ABI1: variants seen among roughly 807,000 people sequenced by gnomAD.
ABI1 encodes the protein abl interactor 1.
In ABI1, 14 loss-of-function variants were observed where a neutral mutation model predicts 54.6. That is an observed-to-expected ratio of 0.26 (90% CI 0.17 to 0.40). The LOEUF is 0.40. Among genes scored for constraint, ABI1 ranks in the 10% least tolerant of loss-of-function variants. ABI1 has a pLI of 1.00. For missense variants in ABI1, 443 were observed against 598.3 expected, an observed-to-expected ratio of 0.74 and a Z score of 2.71; for synonymous variants, 194 against 209.3, an observed-to-expected ratio of 0.93 and a Z score of 0.63.
At chr10:26,772,324 C>G (rs975100129) in intron 3 of ABI1, among the ~76,000 whole-genome samples, 5 of 151,924 alleles carry the variant, frequency 3.3e-5, no homozygotes, top group Admixed American at 3.3e-4. Context: ...ATATACTATA[C>G]ATGTATAGTA....
intron 2 of ABI1, among the ~76,000 whole-genome samples, chr10:26,793,932 A>T (rs1843777698): frequency 6.6e-6 from 1 of 152,220 alleles, no homozygotes; most frequent in Non-Finnish European, 1.5e-5. Context: ...GTCTACAAAA[A>T]ATAAATTGTT....
intron 3 of ABI1, among the ~76,000 whole-genome samples, chr10:26,772,427 C>T (rs1348020348): frequency 2.0e-5 from 3 of 152,016 alleles, no homozygotes; most frequent in African/African-American, 4.8e-5. Context: ...AATATGTCCA[C>T]ATATCTTCCT....
chr10:26,852,851 G>A (rs756215523), intron 1 of ABI1, among the ~76,000 whole-genome samples: 9 of 152,206 alleles, frequency 5.9e-5, no homozygotes, highest in Non-Finnish European at 8.8e-5. Context: ...AGGATCACTT[G>A]AGTCCAGGAG....
chr10:26,845,445 C>G (rs990156655), intron 1 of ABI1, among the ~76,000 whole-genome samples: 2 of 151,916 alleles, frequency 1.3e-5, no homozygotes, highest in African/African-American at 4.8e-5. Flanking sequence ...GAGTTCGAGA[C>G]CAGCCTGACC....
Position 26,755,709 on chromosome 10 carries a change from G to C in ABI1, c.1030C>G (p.Gln344Glu). 6.2e-7 allele frequency: 1 copy of C among 1,613,600 alleles called. No individual in the cohort carries two copies. Among genetic ancestry groups the C allele is most frequent in the Non-Finnish European group, 8.5e-7 (1 of 1,179,678 alleles). ...GTGAGAGGTATCTGTGGAGTCAACT[G>C]AGGCATAGGGGGAGGGGGTGGAGCA... ...SIAPPPPPMP[Q>E]LTPQIPLTGF... The change falls in exon 9 of 11, where the codon CAG (glutamine) becomes GAG (glutamate). Residue 344 changes from glutamine (Q) to glutamate (E), a missense_variant. Physicochemically the swap from Gln to Glu is conservative, Grantham distance 29. Around this residue, in one of 2 missense-constraint regions of ABI1, gnomAD observed 394 missense variants for 484.8 expected, o/e 0.81. Transcript: ENST00000376140.
chr10:26,768,782 C>T (rs1320861432), intron 6 of ABI1, 70 bp downstream of exon 6: 1 of 1,402,728 alleles, frequency 7.1e-7, no homozygotes, highest in Admixed American at 2.1e-5. Flanking sequence ...CTCAGCACCT[C>T]CATAGGAGTT....
In ABI1 at chr10:26,811,172, A is replaced by G. The variant is rs960818886; in HGVS notation, c.285+11966T>C. 1.3e-5 allele frequency among the ~76,000 whole-genome samples: 2 copies of G among 152,180 alleles called. 1 individual carries two copies. The highest frequency in any genetic ancestry group is 4.1e-4 in the South Asian group (2 of 4,828). On this transcript the variant is annotated intron_variant, in intron 2 of 10. Transcript: ENST00000376140. ...GCTAGGTGCTATTAAGAATCCCTGTAGAATAATTTTGAAACAAATGTTTAT... is the reference window on the plus strand; with the variant it reads ...GCTAGGTGCTATTAAGAATCCCTGTGGAATAATTTTGAAACAAATGTTTAT...
intron 2 of ABI1, among the ~76,000 whole-genome samples, chr10:26,807,280 T>TC (rs113600382): frequency 2.2e-4 from 34 of 151,886 alleles, no homozygotes; most frequent in African/African-American, 8.2e-4. Context: ...TCGACACAGG[T>TC]CTGGGCAACA....
chr10:26,754,533 T>A (rs1564454219), intron 9 of ABI1, among the ~76,000 whole-genome samples: 1 of 152,178 alleles, frequency 6.6e-6, no homozygotes, highest in Non-Finnish European at 1.5e-5. Context: ...ACTGCTGGTA[T>A]TCTTCCCGGA....
intron 1 of ABI1, among the ~76,000 whole-genome samples, chr10:26,834,183 C>T (rs2048873073): frequency 6.6e-6 from 1 of 151,920 alleles, no homozygotes; most frequent in Admixed American, 6.6e-5. Flanking sequence ...TGAGCTGAGA[C>T]CACGCCACTG....
At chr10:26,816,004 T>A (rs982473773) in intron 2 of ABI1, among the ~76,000 whole-genome samples, 1 of 152,220 alleles carries the variant, frequency 6.6e-6, no homozygotes, top group African/African-American at 2.4e-5. Flanking sequence ...GAAGTCCACA[T>A]AAGTAACAGA....
intron 2 of ABI1, among the ~76,000 whole-genome samples, chr10:26,782,721 C>CA (rs60447736): frequency 1.5e-3 from 174 of 112,456 alleles, no homozygotes; most frequent in South Asian, 3.9e-3. Context: ...GACTCTGTCT[C>CA]AAAAAAAAAA....
chr10:26,761,661 T>C (rs111773505), intron 7 of ABI1, among the ~76,000 whole-genome samples: 5,192 of 77,858 alleles, frequency 0.067, 266 homozygotes, highest in East Asian at 0.13. Context: ...TATATATATA[T>C]ACACACACAC....
intron 1 of ABI1, among the ~76,000 whole-genome samples, chr10:26,857,218 G>A (rs1435306225): frequency 6.7e-6 from 1 of 149,842 alleles, no homozygotes. Context: ...CTACTTGAGA[G>A]GCTGAGGCAG....
At chr10:26,770,574 C>A (rs758242409) in intron 4 of ABI1, 1 of 698,096 alleles carries the variant, frequency 1.4e-6, no homozygotes, top group South Asian at 1.4e-5. Context: ...GGTGAGATGA[C>A]TGGATTTAAT....
chr10:26,835,312 C>T (rs1337495652), intron 1 of ABI1, among the ~76,000 whole-genome samples: 1 of 152,084 alleles, frequency 6.6e-6, no homozygotes, highest in Non-Finnish European at 1.5e-5. Context: ...CAATGGCACA[C>T]ACCTGTAATT....
intron 2 of ABI1, among the ~76,000 whole-genome samples, chr10:26,821,660 G>A (rs756455930): frequency 1.6e-4 from 24 of 152,062 alleles, no homozygotes; most frequent in Non-Finnish European, 2.6e-4. Flanking sequence ...TTAGCCAGGC[G>A]TGGTGGCGAG....
intron 8 of ABI1, among the ~76,000 whole-genome samples, chr10:26,757,193 AAAACAT>A (rs1838425681): frequency 1.3e-5 from 2 of 152,054 alleles, no homozygotes; most frequent in South Asian, 2.1e-4. Flanking sequence ...CAAAACACTA[AAAACAT>A]TCACGTACTA....
At chr10:26,784,549 TG>T (rs999908003) in intron 2 of ABI1, among the ~76,000 whole-genome samples, 19 of 108,746 alleles carry the variant, frequency 1.7e-4, no homozygotes, top group African/African-American at 4.5e-4. Flanking sequence ...ACTGGGGAGG[TG>T]GGGGGGAATG....
Sources: gnomAD v4.1 joint callset for allele counts (sites outside exome capture counted in the v4.1 genomes callset) on GRCh38, gnomAD v4.1.1 for gene constraint, gnomAD v4.1.1 regional missense constraint, MANE v1.5 for transcripts, NCBI Gene and HGNC (gene_info 2026-07-23, HGNC 2026-07-21) for gene names.